CNTN5: variants seen among roughly 807,000 people sequenced by gnomAD.
CNTN5 encodes the protein contactin-5.
CNTN5 carries 77 observed loss-of-function variants against 129.1 expected under a neutral mutation model. The observed-to-expected ratio is 0.60, with a 90% confidence interval of 0.50 to 0.72. The LOEUF is 0.72. Ranked by LOEUF, CNTN5 falls within the 30% of genes least tolerant of loss-of-function variation. CNTN5 has a pLI of 0.00. For synonymous variants in CNTN5, 509 were observed against 465.6 expected, an observed-to-expected ratio of 1.09 and a Z score of -1.20; for missense variants, 1,478 against 1,328.8, an observed-to-expected ratio of 1.11 and a Z score of -1.75.
intron 1 of CNTN5, among the ~76,000 whole-genome samples, chr11:99,299,479 A>G (rs1864529312): frequency 6.6e-6 from 1 of 152,190 alleles, no homozygotes; most frequent in Admixed American, 6.5e-5. Context: ...ACTTAGAGGT[A>G]AACCAATAGT....
At chr11:99,450,745 T>C (rs1200098098) in intron 2 of CNTN5, among the ~76,000 whole-genome samples, 1 of 149,004 alleles carries the variant, frequency 6.7e-6, no homozygotes, top group Non-Finnish European at 1.5e-5. Context: ...CTCAGTTAGA[T>C]AGGTGCTCTT....
intron 3 of CNTN5, among the ~76,000 whole-genome samples, chr11:99,589,840 T>G (rs1279161577): frequency 6.6e-6 from 1 of 152,232 alleles, no homozygotes; most frequent in Admixed American, 6.5e-5. Context: ...GAGCTTCCTA[T>G]CCTCATAATA....
chr11:99,394,564 T>C (rs1941423631), intron 2 of CNTN5, among the ~76,000 whole-genome samples: 1 of 151,622 alleles, frequency 6.6e-6, no homozygotes, highest in South Asian at 2.1e-4. Flanking sequence ...TTATTTTAAG[T>C]TCGGGGGTAT....
At position 100,356,426 on chromosome 11, in the gene CNTN5, T is replaced by C. The variant is rs1371172837; in HGVS notation, c.*206T>C. On this transcript the variant is annotated 3_prime_UTR_variant, in exon 25 of 25. Transcript: ENST00000524871. ...GGTTTTTGTAAACGGAGAGGACAGTTCTTAGTCCAGTAAAAATATGCAGAT... is the reference window on the plus strand; with the variant it reads ...GGTTTTTGTAAACGGAGAGGACAGTCCTTAGTCCAGTAAAAATATGCAGAT... 1 of 554,986 alleles carries C rather than the reference T, an allele frequency of 1.8e-6. No homozygotes were observed. Among genetic ancestry groups the C allele is most frequent in the African/African-American group, 1.9e-5 (1 of 52,434 alleles). 34.4% of individuals were successfully genotyped at this position (554,986 alleles called of 1,614,324 possible).
At chr11:100,008,190 C>T (rs1940310536) in intron 9 of CNTN5, among the ~76,000 whole-genome samples, 1 of 151,934 alleles carries the variant, frequency 6.6e-6, no homozygotes, top group South Asian at 2.1e-4. Context: ...AATTGAGATG[C>T]TCCAAGAATT....
chr11:99,820,203 G>C (rs1308050653), intron 4 of CNTN5, among the ~76,000 whole-genome samples: 1 of 152,256 alleles, frequency 6.6e-6, no homozygotes, highest in Non-Finnish European at 1.5e-5. Flanking sequence ...TTATGTAATT[G>C]CACTCTATAC....
chr11:100,046,310 G>C (rs979935364), intron 9 of CNTN5, among the ~76,000 whole-genome samples: 1 of 152,266 alleles, frequency 6.6e-6, no homozygotes, highest in East Asian at 1.9e-4. Flanking sequence ...AGTACCAAGA[G>C]TAACAATAAT....
chr11:100,042,035 C>T (rs1483821326), intron 9 of CNTN5, among the ~76,000 whole-genome samples: 1 of 152,158 alleles, frequency 6.6e-6, no homozygotes, highest in Non-Finnish European at 1.5e-5. Flanking sequence ...CATTTGGAGA[C>T]TGCGACAATG....
chr11:99,990,254 T>A (rs886582786), intron 8 of CNTN5, among the ~76,000 whole-genome samples: 4 of 152,004 alleles, frequency 2.6e-5, no homozygotes, highest in African/African-American at 9.7e-5. Flanking sequence ...GATAAGAAAA[T>A]AAGTCTTAAA....
At chr11:99,826,254 T>C (rs920675583) in intron 4 of CNTN5, among the ~76,000 whole-genome samples, 4 of 152,192 alleles carry the variant, frequency 2.6e-5, no homozygotes, top group African/African-American at 9.7e-5. Flanking sequence ...ATAATGTCTT[T>C]AAAATGTCTT....
intron 3 of CNTN5, among the ~76,000 whole-genome samples, chr11:99,579,189 T>C (rs887377756): frequency 6.6e-6 from 1 of 152,174 alleles, no homozygotes; most frequent in Non-Finnish European, 1.5e-5. Flanking sequence ...CATTGGTCTA[T>C]ATCCTGTTTT....
chr11:99,731,752 G>C (rs927936136), intron 3 of CNTN5, among the ~76,000 whole-genome samples: 10 of 152,136 alleles, frequency 6.6e-5, no homozygotes, highest in Non-Finnish European at 5.9e-5. Flanking sequence ...CCCCAGACTA[G>C]AGTAGATGCC....
At chr11:99,769,923 G>C (rs749478938) in intron 3 of CNTN5, among the ~76,000 whole-genome samples, 20 of 152,198 alleles carry the variant, frequency 1.3e-4, no homozygotes, top group Non-Finnish European at 2.4e-4. Flanking sequence ...TTGCAATGCA[G>C]TGTGATACAG....
At chr11:99,430,410 T>C (rs1224288252) in intron 2 of CNTN5, among the ~76,000 whole-genome samples, 1 of 150,750 alleles carries the variant, frequency 6.6e-6, no homozygotes, top group South Asian at 2.1e-4. Context: ...TATACACATA[T>C]ATAAAGGCAT....
chr11:99,053,244 G>A (rs1356450402), intron 1 of CNTN5, among the ~76,000 whole-genome samples: 1 of 151,878 alleles, frequency 6.6e-6, no homozygotes, highest in African/African-American at 2.4e-5. Context: ...AGTTTTTGAA[G>A]AGCCTACTCC....
chr11:100,204,296 TAATATA>T (rs1422531752), intron 15 of CNTN5, among the ~76,000 whole-genome samples: 2 of 15,294 alleles, frequency 1.3e-4, no homozygotes, highest in African/African-American at 3.0e-4. Flanking sequence ...AAACATTGAC[TAATATA>T]TATATATATA....
At chr11:99,424,069 C>G (rs768699602) in intron 2 of CNTN5, among the ~76,000 whole-genome samples, 1 of 152,030 alleles carries the variant, frequency 6.6e-6, no homozygotes, top group African/African-American at 2.4e-5. Flanking sequence ...TTTTCCTATA[C>G]GTACATACAT....
intron 3 of CNTN5, among the ~76,000 whole-genome samples, chr11:99,677,638 G>T (rs1293898623): frequency 6.6e-6 from 1 of 152,062 alleles, no homozygotes; most frequent in Non-Finnish European, 1.5e-5. Context: ...AGATTTCAAA[G>T]TCCACATTAA....
intron 2 of CNTN5, among the ~76,000 whole-genome samples, chr11:99,363,046 T>A (rs11219611): frequency 1.3e-5 from 2 of 151,746 alleles, no homozygotes; most frequent in African/African-American, 4.8e-5. Flanking sequence ...TTCCAGTTTG[T>A]GGGAAAAAAA....
Sources: allele counts gnomAD v4.1 joint callset (sites outside exome capture counted in the v4.1 genomes callset), GRCh38; gene constraint gnomAD v4.1.1; transcripts MANE v1.5; gene names NCBI Gene and HGNC (gene_info 2026-07-23, HGNC 2026-07-21).